The following ARHGEF28 variants were observed in gnomAD, a reference collection of about 807,000 sequenced individuals.
ARHGEF28 encodes the protein Rho guanine nucleotide exchange factor 28.
In ARHGEF28, 152 loss-of-function variants were observed where a neutral mutation model predicts 206.6. That is an observed-to-expected ratio of 0.74 (90% CI 0.64 to 0.84). The LOEUF (loss-of-function observed/expected upper bound fraction) is 0.84. Among genes scored for constraint, ARHGEF28 ranks in the 40% least tolerant of loss-of-function variants. The pLI is 0.00. For synonymous variants in ARHGEF28, 763 were observed against 776.4 expected, an observed-to-expected ratio of 0.98 and a Z score of 0.29; for missense variants, 2,028 against 2,073.2, an observed-to-expected ratio of 0.98 and a Z score of 0.42.
rs1203648164 is a variant in ARHGEF28, at chr5:73,700,415, GA to G, written c.33+15537del. Among the ~76,000 whole-genome samples the G allele has an allele frequency of 2.0e-5, 3 of 152,202 alleles. No homozygotes were observed. In the East Asian group the frequency reaches 5.8e-4, roughly 29 times the overall value. On this transcript the variant is annotated intron_variant, in intron 2 of 35. Coordinates refer to ENST00000513042, the MANE Select transcript of ARHGEF28 (RefSeq NM_001177693.2). The stretch of plus-strand genomic sequence containing the variant: ...CTGTATAATCTGTTTTTAAATAGAG[GA>G]AAAAAGTTAAAAAGAATTTGTGAGT...
chr5:73,826,165 T>G (rs1305679743), intron 9 of ARHGEF28, among the ~76,000 whole-genome samples: 1 of 152,128 alleles, frequency 6.6e-6, no homozygotes, highest in Non-Finnish European at 1.5e-5. Context: ...TCAACTGTAT[T>G]AAATACTGCT....
chr5:73,720,399 A>G (rs1749869747), intron 2 of ARHGEF28, among the ~76,000 whole-genome samples: 1 of 152,174 alleles, frequency 6.6e-6, no homozygotes, highest in South Asian at 2.1e-4. Context: ...GGAAGTGTAG[A>G]ATTTTGACAA....
At position 73,813,478 on chromosome 5, in the gene ARHGEF28, CT is replaced by C. The variant is rs1418070347; in HGVS notation, c.1024+18088del. ...GTGTGCAGGAGCTATTTCATCCAAT[CT>C]CATTCCTTCCCTTTACATCACATGG... is the stretch of plus-strand genomic sequence containing the variant. On this transcript the variant is annotated intron_variant, in intron 9 of 35. Transcript: ENST00000513042. 4.7e-6 allele frequency: 7 copies of C among 1,482,932 alleles called. No homozygotes were observed. In the East Asian group the frequency reaches 1.5e-4, roughly 32 times the overall value. The allele number at this position is 1,482,932 out of a possible 1,614,324, so 91.9% of individuals were successfully genotyped here.
chr5:73,698,089 T>C (rs1424601509), intron 2 of ARHGEF28, among the ~76,000 whole-genome samples: 1 of 152,116 alleles, frequency 6.6e-6, no homozygotes, highest in East Asian at 1.9e-4. Context: ...TTTATAACGA[T>C]AAATAACAAA....
intron 1 of ARHGEF28, among the ~76,000 whole-genome samples, chr5:73,673,047 C>A (rs1746444704): frequency 6.6e-6 from 1 of 152,204 alleles, no homozygotes; most frequent in Non-Finnish European, 1.5e-5. Flanking sequence ...AATAATTCAA[C>A]CCTTTCACTT....
At chr5:73,770,019 G>A (rs953680805) in intron 4 of ARHGEF28, among the ~76,000 whole-genome samples, 5 of 152,182 alleles carry the variant, frequency 3.3e-5, no homozygotes, top group African/African-American at 1.2e-4. Context: ...TCCAAGCTAA[G>A]CCTTTGGCTA....
At chr5:73,677,920 AG>A (rs1305197061) in intron 1 of ARHGEF28, among the ~76,000 whole-genome samples, 1 of 152,276 alleles carries the variant, frequency 6.6e-6, no homozygotes, top group East Asian at 1.9e-4. Flanking sequence ...TTTCACAGAT[AG>A]AATGAAATAT....
intron 35 of ARHGEF28, among the ~76,000 whole-genome samples, chr5:73,914,456 G>T (rs1269835097): frequency 2.8e-5 from 4 of 144,552 alleles, no homozygotes; most frequent in Non-Finnish European, 5.9e-5. Flanking sequence ...GAGTGCAGTG[G>T]TAATATCTTG....
At chr5:73,765,274 C>T in intron 4 of ARHGEF28, among the ~76,000 whole-genome samples, 1 of 152,192 alleles carries the variant, frequency 6.6e-6, no homozygotes, top group East Asian at 1.9e-4. Flanking sequence ...TTGATTTTAT[C>T]ATTGTGTGAA....
intron 22 of ARHGEF28, among the ~76,000 whole-genome samples, chr5:73,878,612 C>A (rs1307318178): frequency 6.7e-6 from 1 of 149,796 alleles, no homozygotes; most frequent in East Asian, 2.0e-4. Flanking sequence ...TCTTTTAGGG[C>A]AGGCCTGGTG....
intron 4 of ARHGEF28, among the ~76,000 whole-genome samples, chr5:73,761,987 C>A (rs868408230): frequency 3.4e-5 from 5 of 146,512 alleles, no homozygotes; most frequent in African/African-American, 1.3e-4. Flanking sequence ...TGTGCCACCA[C>A]AACTGGGTAA....
At chr5:73,851,632 G>A (rs1159537465) in intron 13 of ARHGEF28, among the ~76,000 whole-genome samples, 2 of 152,136 alleles carry the variant, frequency 1.3e-5, no homozygotes, top group Non-Finnish European at 2.9e-5. Context: ...TGAAAACGTT[G>A]TGAGCTGATG....
chr5:73,744,671 A>G (rs1384636837), intron 2 of ARHGEF28, among the ~76,000 whole-genome samples: 1 of 152,064 alleles, frequency 6.6e-6, no homozygotes, highest in Non-Finnish European at 1.5e-5. Context: ...TGATTATAAT[A>G]TTTAACAGTC....
intron 22 of ARHGEF28, among the ~76,000 whole-genome samples, chr5:73,881,516 A>G (rs1346049343): frequency 6.6e-6 from 1 of 152,118 alleles, no homozygotes; most frequent in East Asian, 1.9e-4. Flanking sequence ...GTTTTGTTAG[A>G]TTTGTACCCA....
chr5:73,783,950 A>G (rs936196023), intron 7 of ARHGEF28, among the ~76,000 whole-genome samples: 1 of 152,196 alleles, frequency 6.6e-6, no homozygotes, highest in Non-Finnish European at 1.5e-5. Context: ...CCTTGAATCT[A>G]GACAATGCTT....
chr5:73,796,204 T>C (rs1276089586), intron 9 of ARHGEF28, among the ~76,000 whole-genome samples: 1 of 152,200 alleles, frequency 6.6e-6, no homozygotes, highest in Non-Finnish European at 1.5e-5. Context: ...CCTGGATGTC[T>C]GTGAAGACCT....
At chr5:73,687,256 G>T (rs1369308959) in intron 2 of ARHGEF28, among the ~76,000 whole-genome samples, 6 of 151,604 alleles carry the variant, frequency 4.0e-5, no homozygotes. Flanking sequence ...ATTTAGAAAA[G>T]GTCTTTTAAT....
intron 12 of ARHGEF28, 61 bp downstream of exon 12, chr5:73,846,536 A>G (rs1758375977): frequency 2.7e-6 from 4 of 1,494,804 alleles, no homozygotes; most frequent in Non-Finnish European, 3.7e-6. Flanking sequence ...GTCTGCATTT[A>G]CCCATCTGTA....
chr5:73,899,792 T>C (rs1404961570), intron 30 of ARHGEF28: 2 of 152,268 alleles, frequency 1.3e-5, no homozygotes, highest in Non-Finnish European at 2.9e-5. Flanking sequence ...GAGTATCTTC[T>C]ACTTCTAGGA....
Sources: gnomAD v4.1 joint callset for allele counts (sites outside exome capture counted in the v4.1 genomes callset) on GRCh38, gnomAD v4.1.1 for gene constraint, MANE v1.5 for transcripts, NCBI Gene and HGNC (gene_info 2026-07-23, HGNC 2026-07-21) for gene names.